Variants in PCDH7 observed in about 807,000 individuals in gnomAD.
PCDH7 encodes the protein protocadherin 7, also known as protocadherin-7.
In PCDH7, 17 loss-of-function variants were observed where a neutral mutation model predicts 58.9. The observed-to-expected ratio is 0.29, with a 90% CI of 0.20 to 0.43. The LOEUF is 0.43. Among genes scored for constraint, PCDH7 ranks in the 20% least tolerant of loss-of-function variants. PCDH7 has a pLI of 1.00. For synonymous variants in PCDH7, 664 were observed against 616.4 expected, an observed-to-expected ratio of 1.08 and a Z score of -1.14; for missense variants, 1,274 against 1,441.0, an observed-to-expected ratio of 0.88 and a Z score of 1.88.
At chr4:30,934,058 A>G (rs1183103809) in intron 2 of PCDH7, among the ~76,000 whole-genome samples, 1 of 152,206 alleles carries the variant, frequency 6.6e-6, no homozygotes, top group East Asian at 1.9e-4. Flanking sequence ...TTCAGCCTTC[A>G]CTAGCTCTTT....
chr4:30,968,859 G>A (rs935529477), intron 3 of PCDH7, among the ~76,000 whole-genome samples: 7 of 151,786 alleles, frequency 4.6e-5, no homozygotes, highest in Admixed American at 2.0e-4. Flanking sequence ...ACATGTGCCT[G>A]TATACATCTT....
At position 30,900,236 on chromosome 4, in the gene PCDH7, G is replaced by A. The variant is rs116514406; in HGVS notation, c.71-19917G>A. 7.8e-3 allele frequency among the ~76,000 whole-genome samples: 1,193 copies of A among 152,258 alleles called. 10 individuals are homozygous for A. Among genetic ancestry groups the A allele is most frequent in the Non-Finnish European group, 0.012 (840 of 68,016 alleles). ...GGTTGTCTTATATCATAGAGCAAAC[G>A]AATGGTAAAACTAGAACACAAAAAC... On this transcript the variant is annotated intron_variant, in intron 1 of 3. Coordinates refer to the PCDH7 transcript ENST00000509759.
In PCDH7 at chr4:30,720,751, T is replaced by C. The variant is rs1713367903; in HGVS notation, c.-672T>C. On this transcript the variant is annotated 5_prime_UTR_variant, in exon 1 of 2. Coordinates refer to ENST00000361762, the Ensembl canonical transcript of PCDH7. The surrounding 1 kb of genome is among the most constrained non-coding windows in gnomAD (Gnocchi z 4.7). ...GCCGGGGGATTTTTCATTCTCGATC[T>C]GTTGACTGGCTCCCCCGCTGCATGA... is the stretch of plus-strand genomic sequence containing the variant. 6.6e-6 allele frequency: 1 copy of C among 152,578 alleles called. No homozygotes were observed. The allele number at this position is 152,578 out of a possible 1,614,324, so 9.5% of individuals were successfully genotyped here. A position where few individuals can be genotyped will look rare whatever the true frequency, so the allele number is the denominator to read the frequency against.
intron 1 of PCDH7, among the ~76,000 whole-genome samples, chr4:30,782,085 A>C (rs2109290014): frequency 6.6e-6 from 1 of 152,276 alleles, no homozygotes; most frequent in African/African-American, 2.4e-5. Context: ...CTATTTAAAT[A>C]ATTATGATAG....
intron 1 of PCDH7, among the ~76,000 whole-genome samples, chr4:30,874,978 C>G (rs917311104): frequency 3.3e-5 from 5 of 152,034 alleles, no homozygotes; most frequent in African/African-American, 1.2e-4. Flanking sequence ...CAAATTCTCC[C>G]ACCTTCACCC....
intron 1 of PCDH7, among the ~76,000 whole-genome samples, chr4:30,898,330 C>A (rs191249043): frequency 6.6e-6 from 1 of 152,190 alleles, no homozygotes; most frequent in Admixed American, 6.5e-5. Flanking sequence ...TTAGTTTATT[C>A]TTCTGTTAAA....
intron 1 of PCDH7, among the ~76,000 whole-genome samples, chr4:30,855,325 T>C (rs1412368114): frequency 6.6e-6 from 1 of 152,154 alleles, no homozygotes; most frequent in Non-Finnish European, 1.5e-5. Flanking sequence ...TTTATTGTGT[T>C]TGTTCATCCT....
At chr4:31,035,238 CT>C (rs1755297419) in intron 3 of PCDH7, among the ~76,000 whole-genome samples, 2 of 146,214 alleles carry the variant, frequency 1.4e-5, no homozygotes, top group East Asian at 4.1e-4. Flanking sequence ...GTTTTTTTTC[CT>C]TTTTTCCCTT....
intron 1 of PCDH7, among the ~76,000 whole-genome samples, chr4:30,745,243 A>G (rs1012018711): frequency 8.3e-6 from 1 of 119,992 alleles, no homozygotes; most frequent in Admixed American, 8.9e-5. Flanking sequence ...ATATTTTTAC[A>G]TCTTGTTTTT....
chr4:30,961,132 T>A (rs1247463904), intron 3 of PCDH7, among the ~76,000 whole-genome samples: 1 of 152,158 alleles, frequency 6.6e-6, no homozygotes, highest in African/African-American at 2.4e-5. Context: ...TTATTTCTTT[T>A]ATGGGAATGT....
At chr4:30,841,330 C>T (rs1731190423) in intron 1 of PCDH7, among the ~76,000 whole-genome samples, 1 of 152,072 alleles carries the variant, frequency 6.6e-6, no homozygotes, top group Non-Finnish European at 1.5e-5. Context: ...AATGATTTCT[C>T]AAATTTCATC....
chr4:30,952,133 CT>C (rs1747425569), intron 3 of PCDH7, among the ~76,000 whole-genome samples: 1 of 152,022 alleles, frequency 6.6e-6, no homozygotes, highest in Non-Finnish European at 1.5e-5. Flanking sequence ...TAATTTATTA[CT>C]TTTCCTAAAA....
intron 3 of PCDH7, among the ~76,000 whole-genome samples, chr4:31,069,140 T>G (rs529903703): frequency 6.6e-6 from 1 of 152,132 alleles, no homozygotes; most frequent in Non-Finnish European, 1.5e-5. Flanking sequence ...TAAAACGCAT[T>G]ATAGTTTCCT....
At chr4:31,027,508 C>T (rs753282263) in intron 3 of PCDH7, among the ~76,000 whole-genome samples, 12 of 152,022 alleles carry the variant, frequency 7.9e-5, no homozygotes, top group Non-Finnish European at 1.3e-4. Context: ...CTGCAACCTC[C>T]GCCTCCCAGG....
chr4:31,078,002 C>T (rs1033167385), intron 3 of PCDH7, among the ~76,000 whole-genome samples: 2 of 151,992 alleles, frequency 1.3e-5, no homozygotes, highest in Non-Finnish European at 2.9e-5. Context: ...TCTCAGGATT[C>T]GATGTGAGCC....
intron 1 of PCDH7, among the ~76,000 whole-genome samples, chr4:30,756,713 T>A (rs1408432049): frequency 6.6e-6 from 1 of 152,246 alleles, no homozygotes; most frequent in Non-Finnish European, 1.5e-5. Context: ...TCCTGTCTTT[T>A]GTTCAGTCTC....
chr4:30,955,839 G>A (rs1307935447), intron 3 of PCDH7, among the ~76,000 whole-genome samples: 1 of 151,014 alleles, frequency 6.6e-6, no homozygotes, highest in Non-Finnish European at 1.5e-5. Context: ...ATAAGCCACC[G>A]TGCTCGGCCA....
At chr4:31,114,744 G>C (rs1229041644) in intron 3 of PCDH7, among the ~76,000 whole-genome samples, 1 of 151,932 alleles carries the variant, frequency 6.6e-6, no homozygotes, top group African/African-American at 2.4e-5. Flanking sequence ...GAAAGGGAGA[G>C]AGAGGTGAAC....
In PCDH7 at chr4:30,786,440, A is replaced by C. The variant is rs147626803; in HGVS notation, c.70+61844A>C. 9.9e-4 allele frequency among the ~76,000 whole-genome samples: 151 copies of C among 152,162 alleles called. 2 individuals are homozygous for C. The highest frequency in any genetic ancestry group is 1.9e-3 in the Non-Finnish European group (129 of 67,916). ...ATAGCCTTGAAAAGCTTAAACTCTG[A>C]AACACACTAAATGCAGTGTTTCTTA... On this transcript the variant is annotated intron_variant, in intron 1 of 3. Transcript: ENST00000509759.
Sources: gnomAD v4.1 joint callset for allele counts (sites outside exome capture counted in the v4.1 genomes callset) on GRCh38, gnomAD v4.1.1 for gene constraint, Gnocchi (gnomAD v3.1) non-coding constraint, MANE v1.5 for transcripts, NCBI Gene and HGNC (gene_info 2026-07-23, HGNC 2026-07-21) for gene names.